The following ZFHX2 variants were observed in gnomAD, a reference collection of about 807,000 sequenced individuals.
The protein encoded by ZFHX2 is zinc finger homeobox 2.
In ZFHX2, 75 loss-of-function variants were observed where a neutral mutation model predicts 164.8. That is an observed-to-expected ratio of 0.46 (90% CI 0.38 to 0.55). The LOEUF (loss-of-function observed/expected upper bound fraction) is 0.55. Among genes scored for constraint, ZFHX2 ranks in the 20% least tolerant of loss-of-function variants. The pLI, the probability that ZFHX2 is intolerant of heterozygous loss-of-function variation, is 0.00. For missense variants in ZFHX2, 2,933 were observed against 3,308.0 expected, an observed-to-expected ratio of 0.89 and a Z score of 2.78; for synonymous variants, 1,217 against 1,351.4, an observed-to-expected ratio of 0.90 and a Z score of 2.18.
intron 1 of ZFHX2, among the ~76,000 whole-genome samples, chr14:23,538,777 C>T (rs1274912930): frequency 6.6e-6 from 1 of 151,920 alleles, no homozygotes; most frequent in African/African-American, 2.4e-5. Context: ...TGGGGACGGT[C>T]AGGGAAGACC....
At position 23,522,262 on chromosome 14, in the gene ZFHX2, G is replaced by A. The variant is rs530344540; in HGVS notation, c.7419C>T (p.Phe2473=). The A allele has an allele frequency of 1.3e-6, 2 of 1,486,916 alleles. No individual in the cohort carries two copies. Among genetic ancestry groups the A allele is most frequent in the South Asian group, 2.6e-5 (2 of 75,876 alleles). 92.1% of individuals were successfully genotyped at this position (1,486,916 alleles called of 1,614,324 possible). Reference sequence around the variant, plus strand: ...CCCCAGAGCCCCGCCCAAAGAAGCAGAAGGATCTCTGGTGGGCAGTAGCCG... The same window carrying A: ...CCCCAGAGCCCCGCCCAAAGAAGCAAAAGGATCTCTGGTGGGCAGTAGCCG... ...EAPATAHQRS[F]CFFGRGSGGS... The change falls in exon 10 of 10, where the codon TTC becomes TTT. Residue 2473 remains phenylalanine, a synonymous_variant. Transcript: ENST00000419474.
At position 23,535,343 on chromosome 14, in the gene ZFHX2, T is replaced by C. The variant is rs1161817991; in HGVS notation, c.-18A>G. ...GTGGCCATGGTAGACGGAGGAGTGC[T>C]GGGGGCTCATGTCAGCGTGACAGCC... On this transcript the variant is annotated 5_prime_UTR_variant, in exon 2 of 10. Transcript: ENST00000419474. This position sits in a 1 kb window ranked among gnomAD's most constrained non-coding sequence, Gnocchi z 4.5. The C allele has an allele frequency of 2.1e-6, 3 of 1,443,300 alleles. No individual in the cohort carries two copies. In the Admixed American group the frequency reaches 8.1e-5, roughly 39 times the overall value. The allele number at this position is 1,443,300 out of a possible 1,614,324, so 89.4% of individuals were successfully genotyped here. A position where few individuals can be genotyped will look rare whatever the true frequency, so the allele number is the denominator to read the frequency against.
chr14:23,523,845 A>T lies in ZFHX2; in HGVS notation c.6097T>A (p.Ser2033Thr). ...CSLSAGDLSD[S>T]SASSLAEPES... ...GGTTCAGCTAGGCTGGAAGCAGATG[A>T]ATCACTCAGATCTCCTGCAGAGAGA... is the stretch of plus-strand genomic sequence containing the variant. The change falls in exon 9 of 10, where the codon TCA (serine) becomes ACA (threonine). Residue 2033 changes from serine (S) to threonine (T), a missense_variant. Transcript: ENST00000419474. This position sits in a 1 kb window ranked among gnomAD's most constrained non-coding sequence, Gnocchi z 4.1. The T allele has an allele frequency of 6.5e-7, 1 of 1,536,134 alleles. No homozygotes were observed. The highest frequency in any genetic ancestry group is 8.7e-7 in the Non-Finnish European group (1 of 1,146,910).
Position 23,533,709 on chromosome 14 carries a change from G to T in ZFHX2, c.1617C>A (p.Phe539Leu). Reference protein sequence around the residue: ...SDKHLANLQGFQAGPGGQGSP... With the variant: ...SDKHLANLQGLQAGPGGQGSP... ...TTCCCTGCCCACCAGGGCCCGCCTG[G>T]AAGCCCTGTAGGTTGGCCAGGTGCT... Residue 539 changes from phenylalanine (F) to leucine (L), a missense_variant, in exon 2 of 10, where the codon TTC (phenylalanine) becomes TTA (leucine). By Grantham distance (22) the Phe-to-Leu change is conservative. Transcript: ENST00000419474. This position sits in a 1 kb window ranked among gnomAD's most constrained non-coding sequence, Gnocchi z 4.8. 3 of 1,543,658 alleles carry T rather than the reference G, an allele frequency of 1.9e-6. No homozygotes were observed. Among genetic ancestry groups the T allele is most frequent in the Non-Finnish European group, 2.6e-6 (3 of 1,150,906 alleles).
chr14:23,547,715 T>C (rs1881535145), intron 1 of ZFHX2, among the ~76,000 whole-genome samples: 1 of 152,204 alleles, frequency 6.6e-6, no homozygotes, highest in Non-Finnish European at 1.5e-5. Context: ...CCCATTAATG[T>C]AGACTTAGGT....
In ZFHX2 at chr14:23,532,738, A is replaced by C. The variant is rs767590262; in HGVS notation, c.2388T>G (p.Gly796=). 5 of 1,535,420 alleles carry C rather than the reference A, an allele frequency of 3.3e-6. No individual in the cohort carries two copies. In the South Asian group the frequency reaches 4.8e-5, roughly 15 times the overall value. ...YQLAAHLREG[G]GAMGTPSPAS... is the part of the protein sequence containing the mutation. Reference sequence around the variant, plus strand: ...CTGGGGAAGGGGTGCCCATGGCTCCACCCCCCTCCCGCAGGTGGGCTGCCA... The same window carrying C: ...CTGGGGAAGGGGTGCCCATGGCTCCCCCCCCCTCCCGCAGGTGGGCTGCCA... Residue 796 remains glycine (G), a synonymous_variant, in exon 3 of 10, where the codon GGT becomes GGG. Coordinates refer to ENST00000419474, the MANE Select transcript of ZFHX2 (RefSeq NM_033400.3).
At chr14:23,541,411 C>T (rs1880802167) in intron 1 of ZFHX2, among the ~76,000 whole-genome samples, 1 of 151,958 alleles carries the variant, frequency 6.6e-6, no homozygotes, top group Non-Finnish European at 1.5e-5. Flanking sequence ...CCTCAGCCTC[C>T]CAAGTAGCTG....
Position 23,527,685 on chromosome 14 carries a change from C to G in ZFHX2, c.3054G>C (p.Leu1018=). The change falls in exon 7 of 10, where the codon CTG becomes CTC. Residue 1018 remains leucine, a synonymous_variant. Transcript: ENST00000419474. ...KYRCPLCQEQ[L]VGRPALHFHL... is the part of the protein sequence containing the mutation. The stretch of plus-strand genomic sequence containing the variant: ...GGAAGTGCAGGGCAGGCCGGCCCAC[C>G]AGCTGTTCCTGGCACAGTGGGCATC... The G allele has an allele frequency of 6.5e-7, 1 of 1,536,274 alleles. No individual in the cohort carries two copies.
Position 23,533,438 on chromosome 14 carries a change from CA to C in ZFHX2, c.1887del (p.Glu630AsnfsTer11). 6.5e-7 allele frequency: 1 copy of C among 1,530,586 alleles called. No homozygotes were observed. Among genetic ancestry groups the C allele is most frequent in the Non-Finnish European group, 8.7e-7 (1 of 1,143,390 alleles). The allele number at this position is 1,530,586 out of a possible 1,614,324, so 94.8% of individuals were successfully genotyped here. A position where few individuals can be genotyped will look rare whatever the true frequency, so the allele number is the denominator to read the frequency against. On this transcript the variant is annotated frameshift_variant, in exon 2 of 10. Transcript: ENST00000419474. LOFTEE classifies it high-confidence loss of function. The surrounding 1 kb of genome is among the most constrained non-coding windows in gnomAD (Gnocchi z 4.8). The part of the protein sequence containing the change: ...PPPGATPTSP[P>X]ELFQYFGPQA... ...TGGGGCCCAAAGTACTGGAAGAGTT[CA>C]GGGGGGCTAGTGGGGGTAGCCCCTG... is the stretch of plus-strand genomic sequence containing the variant.
At position 23,525,082 on chromosome 14, in the gene ZFHX2, G is replaced by A. The variant is rs1489840630; in HGVS notation, c.4860C>T (p.Pro1620=). ...CGAGTCGCTCCACCTCTCCGTCTTT[G>A]GGGTAGGCGCTAGTCTCAAAGAAAG... ...LQSFFETSAY[P]KDGEVERLAS... is the part of the protein sequence containing the mutation. Residue 1620 remains proline, a synonymous_variant, in exon 9 of 10, where the codon CCC becomes CCT. Transcript: ENST00000419474. This position sits in a 1 kb window ranked among gnomAD's most constrained non-coding sequence, Gnocchi z 5.9. 6 of 1,536,136 alleles carry A rather than the reference G, an allele frequency of 3.9e-6. No homozygotes were observed. The highest frequency in any genetic ancestry group is 2.0e-5 in the Admixed American group (1 of 51,004).
At chr14:23,526,766 G>C (rs1375738789) in intron 8 of ZFHX2, 81 bp downstream of exon 8, 6 of 1,529,966 alleles carry the variant, frequency 3.9e-6, no homozygotes, top group Non-Finnish European at 5.2e-6. Flanking sequence ...GTTGACCTTG[G>C]CCTCAGTCAT....
chr14:23,552,640 C>G (rs765233398), upstream of ZFHX2, among the ~76,000 whole-genome samples: 2 of 151,780 alleles, frequency 1.3e-5, no homozygotes, highest in Non-Finnish European at 2.9e-5. Flanking sequence ...GTCACTCTGT[C>G]GCCCAGGCTG....
upstream of ZFHX2, among the ~76,000 whole-genome samples, chr14:23,552,708 T>G (rs1299957547): frequency 1.3e-5 from 2 of 151,810 alleles, no homozygotes; most frequent in African/African-American, 4.8e-5. Context: ...TTCAAGTGAT[T>G]CTCCTGCCTC....
intron 6 of ZFHX2, chr14:23,528,613 T>C: frequency 1.0e-6 from 1 of 985,424 alleles, no homozygotes; most frequent in Non-Finnish European, 1.2e-6. Context: ...AACCATCACC[T>C]GGAAAGGGGC....
chr14:23,527,787 G>A lies in ZFHX2; in HGVS notation c.2952C>T (p.Tyr984=), dbSNP rs1376297310. Reference sequence around the variant, plus strand: ...TGGACTCTGGGCTCAGGAAGCTGCAGTATGGACAGCAGTATACCTGGAGGG... The same window carrying A: ...TGGACTCTGGGCTCAGGAAGCTGCAATATGGACAGCAGTATACCTGGAGGG... ...ANQTTVYCCP[Y]CSFLSPESSQ... The change falls in exon 7 of 10, where the codon TAC becomes TAT. Residue 984 remains tyrosine (Y), a synonymous_variant. Transcript: ENST00000419474. The A allele has an allele frequency of 2.0e-6, 3 of 1,533,054 alleles. No individual in the cohort carries two copies. Among genetic ancestry groups the A allele is most frequent in the African/African-American group, 2.7e-5 (2 of 72,884 alleles). The allele number at this position is 1,533,054 out of a possible 1,614,324, so 95.0% of individuals were successfully genotyped here.
chr14:23,539,019 G>T (rs1291466691), intron 1 of ZFHX2, among the ~76,000 whole-genome samples: 1 of 152,122 alleles, frequency 6.6e-6, no homozygotes, highest in Admixed American at 6.6e-5. Context: ...CCAAGGGAGG[G>T]CGGAGAGTTC....
At chr14:23,537,552 G>C (rs1880320865) in intron 1 of ZFHX2, among the ~76,000 whole-genome samples, 1 of 152,140 alleles carries the variant, frequency 6.6e-6, no homozygotes, top group African/African-American at 2.4e-5. Flanking sequence ...AGCCAGGCAT[G>C]AAGTCAGAGC....
Position 23,523,769 on chromosome 14 carries a change from C to G in ZFHX2, c.6173G>C (p.Gly2058Ala), listed in dbSNP as rs560457904. 2.0e-6 allele frequency: 3 copies of G among 1,536,210 alleles called. No individual in the cohort carries two copies. In the Admixed American group the frequency reaches 5.9e-5, roughly 30 times the overall value. Residue 2058 changes from glycine (G) to alanine (A), a missense_variant, in exon 9 of 10, where the codon GGG becomes GCG. Coordinates refer to ENST00000419474, the MANE Select transcript of ZFHX2 (RefSeq NM_033400.3). This position sits in a 1 kb window ranked among gnomAD's most constrained non-coding sequence, Gnocchi z 4.1. ...CCGCTGCCCCATTCCATCTGGAACCCCAGTCCCACCTCCAGGTCCCCCACT... is the reference window on the plus strand; with the variant it reads ...CCGCTGCCCCATTCCATCTGGAACCGCAGTCCCACCTCCAGGTCCCCCACT... ...GTSGGPGGGT[G>A]VPDGMGQRRY...
rs1189234240 is a variant in ZFHX2 at position 23,535,448 on chromosome 14, C to T, written c.-49-74G>A. On this transcript the variant is annotated intron_variant, in intron 1 of 9. Transcript: ENST00000419474. This position sits in a 1 kb window ranked among gnomAD's most constrained non-coding sequence, Gnocchi z 4.5. ...AGCTGGGCAGCTGGATCTCTGGATA[C>T]TCCTGCCCCATCCTCTTCCCTGAAC... 1.6e-6 allele frequency: 2 copies of T among 1,258,122 alleles called. No individual in the cohort carries two copies. The highest frequency in any genetic ancestry group is 2.1e-6 in the Non-Finnish European group (2 of 966,086). 77.9% of individuals were successfully genotyped at this position (1,258,122 alleles called of 1,614,324 possible). A position where few individuals can be genotyped will look rare whatever the true frequency, so the allele number is the denominator to read the frequency against.
Sources: gnomAD v4.1 joint callset for allele counts (sites outside exome capture counted in the v4.1 genomes callset) on GRCh38, gnomAD v4.1.1 for gene constraint, Gnocchi (gnomAD v3.1) non-coding constraint, MANE v1.5 for transcripts, NCBI Gene and HGNC (gene_info 2026-07-23, HGNC 2026-07-21) for gene names.